CACNA1D: variants seen among roughly 807,000 people sequenced by gnomAD.
The protein encoded by CACNA1D is calcium voltage-gated channel subunit alpha1 D.
CACNA1D carries 55 observed loss-of-function variants against 257.1 expected under a neutral mutation model. That is an observed-to-expected ratio of 0.21 (90% CI 0.17 to 0.27). The LOEUF (loss-of-function observed/expected upper bound fraction) is 0.27. Ranked by LOEUF, CACNA1D falls within the 10% of genes least tolerant of loss-of-function variation. CACNA1D has a pLI of 1.00. For missense variants in CACNA1D, 1,876 were observed against 2,784.0 expected (o/e 0.67, Z 7.34); for synonymous variants, 980 against 1,014.9 (o/e 0.97, Z 0.65).
chr3:53,589,048 T>G (rs554052097), intron 3 of CACNA1D, among the ~76,000 whole-genome samples: 61 of 152,302 alleles, frequency 4.0e-4, no homozygotes, highest in Non-Finnish European at 7.5e-4. Context: ...ATTCTTTCAT[T>G]CTTTAGATCT....
intron 20 of CACNA1D, among the ~76,000 whole-genome samples, chr3:53,737,089 A>C (rs975700607): frequency 6.6e-6 from 1 of 152,040 alleles, no homozygotes; most frequent in East Asian, 1.9e-4. Context: ...GCTTGAGGTC[A>C]GGAGTTTGAG....
At chr3:53,594,077 G>T (rs1187366875) in intron 3 of CACNA1D, among the ~76,000 whole-genome samples, 15 of 152,238 alleles carry the variant, frequency 9.9e-5, no homozygotes, top group Admixed American at 9.8e-4. Flanking sequence ...CAAGGAGTCT[G>T]TGAGGTAGGG....
intron 25 of CACNA1D, 132 bp downstream of exon 25, chr3:53,746,007 T>G: frequency 1.4e-6 from 1 of 729,994 alleles, no homozygotes; most frequent in East Asian, 2.7e-5. Context: ...TGTGGGTAGA[T>G]AGATGGTGTT....
Position 53,774,444 on chromosome 3 carries a change from CT to C in CACNA1D, c.4111-137del, listed in dbSNP as rs1466630249. ...TGGCACATGGTTGTGCCTGGCAGAT[CT>C]TTTTTGAATGAGTGAAGTGCCAGGT... On this transcript the variant is annotated intron_variant, in intron 33 of 47. Coordinates refer to ENST00000350061, the MANE Select transcript of CACNA1D (RefSeq NM_001128840.3). The surrounding 1 kb of genome is among the most constrained non-coding windows in gnomAD (Gnocchi z 4.3). 8.9e-6 allele frequency: 6 copies of C among 672,354 alleles called. No individual in the cohort carries two copies. The highest frequency in any genetic ancestry group is 1.6e-5 in the Non-Finnish European group (6 of 369,310). The allele number at this position is 672,354 out of a possible 1,614,324, so 41.6% of individuals were successfully genotyped here.
At chr3:53,687,711 A>G (rs1401053999) in intron 8 of CACNA1D, among the ~76,000 whole-genome samples, 3 of 152,234 alleles carry the variant, frequency 2.0e-5, no homozygotes, top group Admixed American at 1.3e-4. Context: ...GGGAGAAAAT[A>G]CAACACTTAC....
Position 53,802,184 on chromosome 3 carries a change from A to ATTACCTGTT in CACNA1D, c.5435+14_5435+22dup, listed in dbSNP as rs1172424996. The ATTACCTGTT allele has an allele frequency of 1.9e-6, 3 of 1,600,922 alleles. No individual in the cohort carries two copies. The highest frequency in any genetic ancestry group is 2.6e-6 in the Non-Finnish European group (3 of 1,167,982). ...TGAAACTTACATTAGGTATGTGCTC[A>ATTACCTGTT]TTACCTGTTTTTGTGTTAAATACTG... On this transcript the variant is annotated intron_variant, in intron 43 of 47. Transcript: ENST00000350061.
At chr3:53,620,749 G>T (rs1559927900) in intron 3 of CACNA1D, among the ~76,000 whole-genome samples, 2 of 152,232 alleles carry the variant, frequency 1.3e-5, no homozygotes, top group Non-Finnish European at 2.9e-5. Flanking sequence ...ATTTTGGGAT[G>T]TATTTATTAC....
At chr3:53,735,756 G>C (rs2095051180) in intron 20 of CACNA1D, among the ~76,000 whole-genome samples, 1 of 152,228 alleles carries the variant, frequency 6.6e-6, no homozygotes, top group African/African-American at 2.4e-5. Context: ...AATTCAGGGA[G>C]CCTGCTTCTC....
chr3:53,769,869 C>T, intron 30 of CACNA1D, 104 bp from the exon 31 acceptor site: 1 of 922,690 alleles, frequency 1.1e-6, no homozygotes, highest in Non-Finnish European at 1.8e-6. Context: ...GGTGTGGTGT[C>T]TAAAGATGGG....
chr3:53,535,477 C>G (rs1028775694), intron 3 of CACNA1D, among the ~76,000 whole-genome samples: 2 of 152,124 alleles, frequency 1.3e-5, no homozygotes, highest in African/African-American at 4.8e-5. Flanking sequence ...AGCCTCCTGA[C>G]CTGGGGGGTG....
At position 53,594,910 on chromosome 3, in the gene CACNA1D, G is replaced by GA. The variant is rs781380227; in HGVS notation, c.484-55863dup. 1.1e-3 allele frequency among the ~76,000 whole-genome samples: 175 copies of GA among 152,216 alleles called. 2 individuals are homozygous for GA. The highest frequency in any genetic ancestry group is 6.8e-3 in the Middle Eastern group (2 of 294). ...AGTCCCTTGAGACTTGCAGATTGAG[G>GA]AAAAAATGACAGGAGTCACCCAGAT... On this transcript the variant is annotated intron_variant, in intron 3 of 47. Coordinates refer to ENST00000350061, the MANE Select transcript of CACNA1D (RefSeq NM_001128840.3).
chr3:53,707,206 T>A (rs1364717425), intron 9 of CACNA1D, among the ~76,000 whole-genome samples: 2 of 152,110 alleles, frequency 1.3e-5, no homozygotes, highest in African/African-American at 4.8e-5. Flanking sequence ...CAACACTGGC[T>A]GTACGTTATA....
intron 3 of CACNA1D, among the ~76,000 whole-genome samples, chr3:53,640,639 T>G (rs2093939429): frequency 6.6e-6 from 1 of 152,214 alleles, no homozygotes; most frequent in Non-Finnish European, 1.5e-5. Context: ...TCCCAACCCT[T>G]CTCTGCTCTT....
At chr3:53,781,120 T>C (rs1313716164) in intron 38 of CACNA1D, among the ~76,000 whole-genome samples, 2 of 152,232 alleles carry the variant, frequency 1.3e-5, no homozygotes, top group African/African-American at 2.4e-5. Flanking sequence ...GCCAAGGTTA[T>C]GTTGTATGGA....
intron 8 of CACNA1D, among the ~76,000 whole-genome samples, chr3:53,688,731 T>C (rs1359502197): frequency 1.3e-5 from 2 of 152,214 alleles, no homozygotes; most frequent in African/African-American, 4.8e-5. Context: ...ATGAGTTTGG[T>C]TTTGGGTTCA....
chr3:53,803,347 C>A (rs2095545853), intron 43 of CACNA1D, 76 bp from the exon 44 acceptor site: 1 of 1,573,368 alleles, frequency 6.4e-7, no homozygotes, highest in African/African-American at 1.3e-5. Flanking sequence ...GGTTGCCGGC[C>A]ACAGGCAGAG....
intron 3 of CACNA1D, among the ~76,000 whole-genome samples, chr3:53,533,697 G>A (rs1038513042): frequency 1.3e-5 from 2 of 152,156 alleles, no homozygotes; most frequent in East Asian, 1.9e-4. Flanking sequence ...TGCTATGGCC[G>A]TGGGCGCTGA....
At chr3:53,699,189 G>C (rs909533754) in intron 8 of CACNA1D, among the ~76,000 whole-genome samples, 2 of 152,168 alleles carry the variant, frequency 1.3e-5, no homozygotes, top group African/African-American at 4.8e-5. Context: ...CCAGCTCATT[G>C]CGATCACTCT....
At chr3:53,538,730 G>A (rs1305815083) in intron 3 of CACNA1D, among the ~76,000 whole-genome samples, 1 of 152,090 alleles carries the variant, frequency 6.6e-6, no homozygotes, top group African/African-American at 2.4e-5. Flanking sequence ...TCTTGCCCTG[G>A]ATCTGGAATC....
Sources: gnomAD v4.1 joint callset for allele counts (sites outside exome capture counted in the v4.1 genomes callset) on GRCh38, gnomAD v4.1.1 for gene constraint, Gnocchi (gnomAD v3.1) non-coding constraint, MANE v1.5 for transcripts, NCBI Gene and HGNC (gene_info 2026-07-23, HGNC 2026-07-21) for gene names.